Variants in DENND2B observed in about 807,000 individuals in gnomAD.
DENND2B encodes DENN domain containing 2B, also known as DENN domain-containing protein 2B.
Under a neutral mutation model 116.0 loss-of-function variants are expected in DENND2B, and 32 were observed. That is an observed-to-expected ratio of 0.28 (90% CI 0.21 to 0.37). The LOEUF is 0.37. Ranked by LOEUF, DENND2B falls within the 10% of genes least tolerant of loss-of-function variation. The pLI is 1.00. For missense variants in DENND2B, 1,276 were observed against 1,477.7 expected (o/e 0.86, Z 2.24); for synonymous variants, 588 against 583.9 (o/e 1.01, Z -0.10).
intron 1 of DENND2B, among the ~76,000 whole-genome samples, chr11:8,799,922 TTA>T (rs1565976194): frequency 0.02 from 28 of 1,372 alleles, no homozygotes; most frequent in Admixed American, 0.12. Flanking sequence ...CATGTATTTA[TTA>T]TTATTATTAT....
intron 3 of DENND2B, among the ~76,000 whole-genome samples, chr11:8,844,678 A>G (rs893108104): frequency 1.2e-5 from 1 of 82,674 alleles, no homozygotes; most frequent in Non-Finnish European, 2.7e-5. Context: ...ATATATACAT[A>G]TAAATGCATA....
intron 1 of DENND2B, among the ~76,000 whole-genome samples, chr11:8,893,333 G>A (rs1409632411): frequency 2.6e-5 from 4 of 152,210 alleles, no homozygotes; most frequent in Middle Eastern, 3.4e-3. Flanking sequence ...TTTGAAAACC[G>A]GCACAAGACA....
chr11:8,791,787 T>C (rs2059404100), intron 1 of DENND2B, among the ~76,000 whole-genome samples: 1 of 151,904 alleles, frequency 6.6e-6, no homozygotes, highest in Non-Finnish European at 1.5e-5. Context: ...GGAATATTTC[T>C]TTAATGTCAC....
chr11:8,766,859 A>G (rs773822433), intron 1 of DENND2B: 133 of 344,666 alleles, frequency 3.9e-4, no homozygotes, highest in Non-Finnish European at 4.1e-4. Context: ...TCGCTTTTTC[A>G]TGCTAATTTC....
At chr11:8,861,998 G>T (rs568928847) in intron 2 of DENND2B, among the ~76,000 whole-genome samples, 1 of 148,518 alleles carries the variant, frequency 6.7e-6, no homozygotes, top group Non-Finnish European at 1.5e-5. Flanking sequence ...AAGGCATATC[G>T]AGTGGTATAA....
intron 4 of DENND2B, among the ~76,000 whole-genome samples, chr11:8,723,246 T>G (rs1472347476): frequency 6.6e-6 from 1 of 152,224 alleles, no homozygotes; most frequent in East Asian, 1.9e-4. Context: ...CTGGCAATCC[T>G]GTGGTCCTCC....
At chr11:8,715,181 G>A (rs1179567051) in intron 6 of DENND2B, among the ~76,000 whole-genome samples, 1 of 152,208 alleles carries the variant, frequency 6.6e-6, no homozygotes, top group Non-Finnish European at 1.5e-5. Flanking sequence ...GCTAAATCCT[G>A]CTGCGTTGGG....
chr11:8,699,425 C>A, intron 14 of DENND2B, 35 bp from the exon 15 acceptor site: 1 of 1,556,774 alleles, frequency 6.4e-7, no homozygotes. Flanking sequence ...GTACCTGAGC[C>A]CAGGCCCAGG....
intron 4 of DENND2B, among the ~76,000 whole-genome samples, chr11:8,834,190 T>A (rs147201244): frequency 9.8e-4 from 149 of 152,322 alleles, no homozygotes; most frequent in African/African-American, 3.4e-3. Flanking sequence ...ACCTGGAACC[T>A]AGTACAGTTT....
intron 11 of DENND2B, 82 bp downstream of exon 11, chr11:8,710,763 A>G (rs1399792689): frequency 4.4e-6 from 4 of 912,068 alleles, no homozygotes; most frequent in East Asian, 8.2e-5. Context: ...GCACACACAC[A>G]CACACACACA....
chr11:8,880,277 G>A (rs12223690), intron 2 of DENND2B, among the ~76,000 whole-genome samples: 25,140 of 151,190 alleles, frequency 0.17, 2,231 homozygotes, highest in East Asian at 0.31. Context: ...ATCAAGACTT[G>A]AAGAGCCAAA....
intron 2 of DENND2B, among the ~76,000 whole-genome samples, chr11:8,863,463 G>A (rs1443305625): frequency 6.6e-6 from 1 of 151,856 alleles, no homozygotes; most frequent in Admixed American, 6.6e-5. Flanking sequence ...TCTATCTCCT[G>A]ACCTTGAGAT....
At position 8,837,140 on chromosome 11, in the gene DENND2B, C is replaced by CA. The variant is rs576194189; in HGVS notation, c.-115+2169dup. On this transcript the variant is annotated intron_variant, in intron 4 of 6. Transcript: ENST00000524757. ...AGCCAATGCAAATCTTTAACTGGAACAAAAAAAAAAGTCTAAACTATGCAA... is the reference window on the plus strand; with the variant it reads ...AGCCAATGCAAATCTTTAACTGGAACAAAAAAAAAAAGTCTAAACTATGCAA... Among the ~76,000 whole-genome samples, 185 of 146,598 alleles carry CA rather than the reference C, an allele frequency of 1.3e-3. 1 individual carries two copies. Among genetic ancestry groups the CA allele is most frequent in the African/African-American group, 4.3e-3 (172 of 39,986 alleles).
chr11:8,773,568 A>C (rs1458954378), intron 1 of DENND2B, among the ~76,000 whole-genome samples: 1 of 152,188 alleles, frequency 6.6e-6, no homozygotes, highest in East Asian at 1.9e-4. Flanking sequence ...ATTGAGACAG[A>C]GTCAGAAAGT....
intron 1 of DENND2B, among the ~76,000 whole-genome samples, chr11:8,779,415 C>G (rs2058103300): frequency 1.3e-5 from 2 of 152,100 alleles, no homozygotes; most frequent in African/African-American, 4.8e-5. Context: ...ACAGAACCCT[C>G]CCCTCTGGGT....
chr11:8,708,909 C>A (rs1358280713), intron 11 of DENND2B, among the ~76,000 whole-genome samples: 1 of 151,532 alleles, frequency 6.6e-6, no homozygotes, highest in Non-Finnish European at 1.5e-5. Flanking sequence ...CGAGATCACA[C>A]CATTGTACTT....
intron 4 of DENND2B, among the ~76,000 whole-genome samples, chr11:8,821,193 C>T (rs983771905): frequency 4.0e-5 from 6 of 150,982 alleles, no homozygotes; most frequent in Admixed American, 4.0e-4. Context: ...CTACTATAAA[C>T]CACAAACTGG....
intron 1 of DENND2B, among the ~76,000 whole-genome samples, chr11:8,894,002 A>G (rs990859029): frequency 8.1e-4 from 124 of 152,288 alleles, no homozygotes; most frequent in African/African-American, 2.6e-3. Flanking sequence ...AAACTATACT[A>G]CAAGGCTACA....
chr11:8,703,949 T>C, intron 13 of DENND2B, among the ~76,000 whole-genome samples: 1 of 152,082 alleles, frequency 6.6e-6, no homozygotes, highest in East Asian at 1.9e-4. Flanking sequence ...TTATACCTGC[T>C]CCAGGCCCTG....
Sources: allele counts gnomAD v4.1 joint callset (sites outside exome capture counted in the v4.1 genomes callset), GRCh38; gene constraint gnomAD v4.1.1; transcripts MANE v1.5; gene names NCBI Gene and HGNC (gene_info 2026-07-23, HGNC 2026-07-21).